CIT: variants seen among roughly 807,000 people sequenced by gnomAD.
CIT encodes the protein citron rho-interacting serine/threonine kinase.
A neutral mutation model predicts 272.7 loss-of-function variants in CIT; 79 were observed. The ratio of observed to expected loss-of-function variants is 0.29; its 90% confidence interval spans 0.24 to 0.35. The LOEUF is 0.35. Among genes scored for constraint, CIT ranks in the 10% least tolerant of loss-of-function variants. The probability of loss-of-function intolerance (pLI) is 1.00; values close to 1 mark genes in which losing one functional copy is unlikely to be tolerated. For synonymous variants in CIT, 948 were observed against 995.6 expected (o/e 0.95, Z 0.90); for missense variants, 1,909 against 2,618.3 (o/e 0.73, Z 5.91).
At chr12:119,796,129 G>A (rs1044870041) in intron 10 of CIT, among the ~76,000 whole-genome samples, 7 of 152,208 alleles carry the variant, frequency 4.6e-5, no homozygotes, top group East Asian at 1.9e-4. Context: ...CAAATGAGCC[G>A]GCAGGCTGGG....
At chr12:119,794,280 G>A (rs932366735) in intron 10 of CIT, among the ~76,000 whole-genome samples, 1 of 151,790 alleles carries the variant, frequency 6.6e-6, no homozygotes, top group Non-Finnish European at 1.5e-5. Context: ...GTGAATGAAT[G>A]AATGAATGAA....
intron 4 of CIT, 52 bp from the exon 5 acceptor site, chr12:119,850,327 A>C: frequency 2.5e-6 from 3 of 1,204,166 alleles, no homozygotes; most frequent in Non-Finnish European, 3.6e-6. Context: ...TGAGAGGAAA[A>C]AGAAGCCTTT....
In CIT at chr12:119,752,058, C is replaced by A. The variant is rs1394509298; in HGVS notation, c.2896G>T (p.Ala966Ser). Reference protein sequence around the residue: ...TTAEAEEEIQALTAHRDEIQR... With the variant: ...TTAEAEEEIQSLTAHRDEIQR... The stretch of plus-strand genomic sequence containing the variant: ...TTGCTCCCCAGACCTACCGTGAGTG[C>A]CTGGATCTCCTCTTCAGCTTCTGCT... The change falls in exon 23 of 48, where the codon GCA becomes TCA. Residue 966 changes from alanine (A) to serine (S), a missense_variant. Physicochemically the swap from Ala to Ser is moderately conservative, Grantham distance 99. Transcript: ENST00000392521. 1 of 1,611,624 alleles carries A rather than the reference C, an allele frequency of 6.2e-7. No individual in the cohort carries two copies. Among genetic ancestry groups the A allele is most frequent in the Admixed American group, 1.7e-5 (1 of 59,976 alleles).
rs779820283 is a variant in CIT at position 119,712,387 on chromosome 12, C to T, written c.4685-40G>A. ...AGAGCACAGGATTGGGTGTGGATTTCCCCCGTTCCCACTGGGAGGGACGGG... is the reference window on the plus strand; with the variant it reads ...AGAGCACAGGATTGGGTGTGGATTTTCCCCGTTCCCACTGGGAGGGACGGG... On this transcript the variant is annotated intron_variant, in intron 36 of 47. Coordinates refer to ENST00000392521, the MANE Select transcript of CIT (RefSeq NM_001206999.2). The surrounding 1 kb of genome is among the most constrained non-coding windows in gnomAD (Gnocchi z 5.2). 8 of 1,570,718 alleles carry T rather than the reference C, an allele frequency of 5.1e-6. No homozygotes were observed. The South Asian group carries it at 9.4e-5, about 18-fold the overall frequency.
chr12:119,861,108 G>C (rs969982210), intron 3 of CIT, among the ~76,000 whole-genome samples: 1 of 150,480 alleles, frequency 6.6e-6, no homozygotes, highest in African/African-American at 2.4e-5. Flanking sequence ...GGGATACAGC[G>C]AGACTCTGTC....
At chr12:119,738,643 G>A (rs1045438835) in intron 24 of CIT, among the ~76,000 whole-genome samples, 4 of 152,206 alleles carry the variant, frequency 2.6e-5, no homozygotes, top group African/African-American at 9.6e-5. Flanking sequence ...CAGCACTTTG[G>A]GAGGCTGAGG....
chr12:119,699,088 C>T (rs1335544403), intron 44 of CIT, among the ~76,000 whole-genome samples: 1 of 151,994 alleles, frequency 6.6e-6, no homozygotes, highest in East Asian at 1.9e-4. Flanking sequence ...AACCCTGTCT[C>T]TACTAAACAT....
At chr12:119,701,595 A>G (rs987781674) in intron 43 of CIT, 29 bp downstream of exon 43, 2 of 1,609,376 alleles carry the variant, frequency 1.2e-6, no homozygotes, top group African/African-American at 2.7e-5. Flanking sequence ...TGAGGACCCA[A>G]AAGGGCAGTG....
intron 8 of CIT, 80 bp downstream of exon 8, chr12:119,825,085 C>G: frequency 7.8e-7 from 1 of 1,274,080 alleles, no homozygotes; most frequent in Admixed American, 1.9e-5. Context: ...CAGGCATGAG[C>G]CACCACGCCC....
chr12:119,734,335 G>A lies in CIT; in HGVS notation c.3179C>T (p.Thr1060Met), dbSNP rs755370761. ...GACCTGTTCCTCCAGCATGGTGCAC[G>A]TGGTCTTCAGAGCCTCCATCGTCTG... is the stretch of plus-strand genomic sequence containing the variant. ...QKQTMEALKT[T>M]CTMLEEQVMD... The change falls in exon 26 of 48, where the codon ACG (threonine) becomes ATG (methionine). Residue 1060 changes from threonine to methionine, a missense_variant. Around this residue, in one of 8 missense-constraint regions of CIT, gnomAD observed 530 missense variants for 822.4 expected, o/e 0.64. Transcript: ENST00000392521. The A allele has an allele frequency of 3.1e-6, 5 of 1,613,384 alleles. No homozygotes were observed. Among genetic ancestry groups the A allele is most frequent in the South Asian group, 1.1e-5 (1 of 91,066 alleles).
At chr12:119,813,762 C>T (rs1966894385) in intron 9 of CIT, among the ~76,000 whole-genome samples, 1 of 152,134 alleles carries the variant, frequency 6.6e-6, no homozygotes, top group South Asian at 2.1e-4. Context: ...CACTAAGAGG[C>T]CCAGAAGGAA....
Position 119,712,817 on chromosome 12 carries a change from G to T in CIT, c.4580-122C>A. On this transcript the variant is annotated intron_variant, in intron 35 of 47. Coordinates refer to ENST00000392521, the MANE Select transcript of CIT (RefSeq NM_001206999.2). This position sits in a 1 kb window ranked among gnomAD's most constrained non-coding sequence, Gnocchi z 5.2. Reference sequence around the variant, plus strand: ...ACAGGGTACGTGTGTAAAGAGAGGCGCACGAGAACAAGGAAGGGACAGAGG... The same window carrying T: ...ACAGGGTACGTGTGTAAAGAGAGGCTCACGAGAACAAGGAAGGGACAGAGG... 1 of 736,260 alleles carries T rather than the reference G, an allele frequency of 1.4e-6. No individual in the cohort carries two copies. Among genetic ancestry groups the T allele is most frequent in the Non-Finnish European group, 2.3e-6 (1 of 436,218 alleles). The allele number at this position is 736,260 out of a possible 1,614,324, so 45.6% of individuals were successfully genotyped here.
chr12:119,776,870 G>A, intron 13 of CIT, 28 bp from the exon 14 acceptor site: 1 of 1,609,460 alleles, frequency 6.2e-7, no homozygotes, highest in Non-Finnish European at 8.5e-7. Flanking sequence ...AAATAAAAGA[G>A]AACTTTCGAA....
At chr12:119,838,168 G>C (rs891733587) in intron 5 of CIT, among the ~76,000 whole-genome samples, 1 of 152,102 alleles carries the variant, frequency 6.6e-6, no homozygotes, top group Non-Finnish European at 1.5e-5. Context: ...TGCCTCCCGG[G>C]TTCAAGCGAT....
At chr12:119,771,336 C>A (rs1271160496) in intron 17 of CIT, among the ~76,000 whole-genome samples, 1 of 152,032 alleles carries the variant, frequency 6.6e-6, no homozygotes, top group East Asian at 1.9e-4. Context: ...GCAGAGACAT[C>A]AGAGAGGCGT....
chr12:119,823,074 T>C, intron 8 of CIT, 101 bp from the exon 9 acceptor site: 6 of 1,300,648 alleles, frequency 4.6e-6, no homozygotes, highest in Middle Eastern at 4.3e-4. Context: ...GTTTCTTTTT[T>C]TTTGTTTTTT....
intron 21 of CIT, among the ~76,000 whole-genome samples, chr12:119,758,239 A>G (rs1205705137): frequency 1.3e-5 from 2 of 152,222 alleles, no homozygotes; most frequent in Non-Finnish European, 2.9e-5. Context: ...TGACAACTAA[A>G]TGGATGGCCC....
intron 9 of CIT, among the ~76,000 whole-genome samples, chr12:119,812,225 G>C (rs150385210): frequency 1.7e-4 from 26 of 152,212 alleles, no homozygotes; most frequent in Middle Eastern, 3.4e-3. Context: ...TGGGATTACA[G>C]GTGTGAGCCA....
chr12:119,690,026 C>G lies in CIT; in HGVS notation c.6186+125G>C, dbSNP rs572797968. On this transcript the variant is annotated intron_variant, in intron 47 of 47. Coordinates refer to ENST00000392521, the MANE Select transcript of CIT (RefSeq NM_001206999.2). This position sits in a 1 kb window ranked among gnomAD's most constrained non-coding sequence, Gnocchi z 6.0. The stretch of plus-strand genomic sequence containing the variant: ...ATTTTCTTCCTAAATTCCTGTGTCT[C>G]GCAAAGTCTGAATTACAGTCATGGA... The G allele has an allele frequency of 1.1e-6, 1 of 945,000 alleles. No individual in the cohort carries two copies. Among genetic ancestry groups the G allele is most frequent in the African/African-American group, 1.7e-5 (1 of 58,052 alleles). The allele number at this position is 945,000 out of a possible 1,614,324, so 58.5% of individuals were successfully genotyped here.
Sources: gnomAD v4.1 joint callset for allele counts (sites outside exome capture counted in the v4.1 genomes callset) on GRCh38, gnomAD v4.1.1 for gene constraint, gnomAD v4.1.1 regional missense constraint, Gnocchi (gnomAD v3.1) non-coding constraint, MANE v1.5 for transcripts, NCBI Gene and HGNC (gene_info 2026-07-23, HGNC 2026-07-21) for gene names.